ZNF106: variants seen among roughly 807,000 people sequenced by gnomAD.
ZNF106 encodes SH3-domain binding protein 3.
ZNF106 carries 67 observed loss-of-function variants against 195.1 expected under a neutral mutation model. The observed-to-expected ratio is 0.34, with a 90% CI of 0.28 to 0.42. ZNF106 has a LOEUF of 0.42. ZNF106 is among the 10% of genes least tolerant of loss of function. The pLI is 1.00. For missense variants in ZNF106, 2,118 were observed against 2,304.5 expected, an observed-to-expected ratio of 0.92 and a Z score of 1.66; for synonymous variants, 784 against 818.6, an observed-to-expected ratio of 0.96 and a Z score of 0.72.
At chr15:42,453,929 G>T (rs2056138827) in intron 4 of ZNF106, among the ~76,000 whole-genome samples, 1 of 152,172 alleles carries the variant, frequency 6.6e-6, no homozygotes, top group African/African-American at 2.4e-5. Flanking sequence ...GCAGTAGAGA[G>T]AATACATAAC....
Position 42,451,379 on chromosome 15 carries a change from T to G in ZNF106, c.893A>C (p.His298Pro), listed in dbSNP as rs2056022777. The change falls in exon 5 of 22, where the codon CAC (histidine) becomes CCC (proline). Residue 298 changes from histidine (H) to proline (P), a missense_variant. Transcript: ENST00000564754. ...TTGCCGCTGCCAATTATATCTGTCG[T>G]GACTGTATTTGTTTGACTTATTAGA... ...KKSNKSNKYS[H>P]DRYNWQRQEN... 3 of 1,614,204 alleles carry G rather than the reference T, an allele frequency of 1.9e-6. No homozygotes were observed. In the East Asian group the frequency reaches 6.7e-5, roughly 36 times the overall value.
In ZNF106 at chr15:42,451,897, T is replaced by A. The variant is rs148591205; in HGVS notation, c.375A>T (p.Gln125His). The change falls in exon 5 of 22, where the codon CAA becomes CAT. Residue 125 changes from glutamine (Q) to histidine (H), a missense_variant. Gln to His is a conservative substitution (Grantham distance 24). Coordinates refer to ENST00000564754, the MANE Select transcript of ZNF106 (RefSeq NM_001366845.3). ...QEINSDDRRP[Q>H]WRREDRIPYQ... ...AAGGAATTCGGTCTTCTCGTCTCCA[T>A]TGGGGTCGTCTGTCATCAGAGTTTA... The A allele has an allele frequency of 5.0e-6, 8 of 1,614,054 alleles. No homozygotes were observed. Among genetic ancestry groups the A allele is most frequent in the Non-Finnish European group, 6.8e-6 (8 of 1,180,028 alleles).
intron 12 of ZNF106, among the ~76,000 whole-genome samples, chr15:42,437,633 G>A (rs1003330678): frequency 3.9e-5 from 6 of 152,200 alleles, no homozygotes; most frequent in Non-Finnish European, 7.4e-5. Context: ...TGGGCCAGGC[G>A]TGGTGACTCA....
Position 42,421,978 on chromosome 15 carries a change from C to A in ZNF106, c.5384G>T (p.Arg1795Leu). ...TTTGTGTCCTCCATAAACTTGTAAT[C>A]GATCATGAGACTTAGGCAGAAAAAA... ...VRVYELQSHD[R>L]LQVYGGHKDM... Residue 1795 changes from arginine to leucine, a missense_variant, in exon 19 of 22, where the codon CGA (arginine) becomes CTA (leucine). Physicochemically the swap from Arg to Leu is moderately radical, Grantham distance 102 (BLOSUM62 -2). Transcript: ENST00000564754. The A allele has an allele frequency of 1.3e-6, 2 of 1,573,442 alleles. No individual in the cohort carries two copies. Among genetic ancestry groups the A allele is most frequent in the Non-Finnish European group, 1.7e-6 (2 of 1,157,868 alleles).
intron 1 of ZNF106, among the ~76,000 whole-genome samples, chr15:42,472,937 C>T (rs1461564023): frequency 6.7e-6 from 1 of 148,686 alleles, no homozygotes; most frequent in Non-Finnish European, 1.5e-5. Flanking sequence ...AACCCAAGAG[C>T]GGAGGTTGCA....
chr15:42,446,543 A>C (rs766409453), intron 7 of ZNF106, 46 bp downstream of exon 7: 6 of 1,529,786 alleles, frequency 3.9e-6, no homozygotes, highest in South Asian at 2.4e-5. Flanking sequence ...CCCAAAAAAA[A>C]CCAAAAAACA....
chr15:42,430,662 G>A (rs1388470565), intron 14 of ZNF106, among the ~76,000 whole-genome samples: 1 of 151,954 alleles, frequency 6.6e-6, no homozygotes, highest in African/African-American at 2.4e-5. Flanking sequence ...TAAGATTATA[G>A]GCATGAACCA....
chr15:42,457,452 A>G (rs2141379160), intron 3 of ZNF106: 1 of 1,275,616 alleles, frequency 7.8e-7, no homozygotes, highest in South Asian at 1.8e-5. Flanking sequence ...CAGAGGAAAC[A>G]TGGTGAAAGG....
intron 4 of ZNF106, among the ~76,000 whole-genome samples, chr15:42,453,994 A>G (rs377672679): frequency 2.6e-5 from 4 of 152,238 alleles, no homozygotes; most frequent in South Asian, 2.1e-4. Flanking sequence ...ATCCTTGGCA[A>G]TCTGACTCCA....
chr15:42,430,123 T>C (rs2054999108), intron 14 of ZNF106, among the ~76,000 whole-genome samples: 1 of 152,108 alleles, frequency 6.6e-6, no homozygotes, highest in African/African-American at 2.4e-5. Context: ...TATGAAGTTA[T>C]GTCTCAATGT....
Position 42,450,454 on chromosome 15 carries a change from C to T in ZNF106, c.1818G>A (p.Val606=), listed in dbSNP as rs766384317. The change falls in exon 5 of 22, where the codon GTG becomes GTA. Residue 606 remains valine (V), a synonymous_variant. Transcript: ENST00000564754. The part of the protein sequence containing the change: ...EKGSLKIEFQ[V]HALEDESDGE... ...CATCACTTTCATCTTCTAGTGCGTG[C>T]ACTTGAAACTCAATTTTCAAAGACC... 1.9e-6 allele frequency: 3 copies of T among 1,614,162 alleles called. No homozygotes were observed. In the South Asian group the frequency reaches 3.3e-5, roughly 18 times the overall value.
chr15:42,425,064 G>A (rs1474757847), intron 15 of ZNF106, 39 bp from the exon 16 acceptor site: 1 of 1,601,480 alleles, frequency 6.2e-7, no homozygotes, highest in Non-Finnish European at 8.5e-7. Context: ...AACCAACTTA[G>A]CTGGAAAATT....
chr15:42,466,225 T>C, intron 2 of ZNF106, 111 bp from the exon 3 acceptor site: 1 of 688,806 alleles, frequency 1.5e-6, no homozygotes, highest in Non-Finnish European at 2.2e-6. Context: ...TATGTCAAAA[T>C]GTGTTTTTGG....
intron 7 of ZNF106, 27 bp from the exon 8 acceptor site, chr15:42,445,008 G>T (rs1420407839): frequency 1.9e-6 from 3 of 1,612,476 alleles, no homozygotes; most frequent in Non-Finnish European, 2.5e-6. Flanking sequence ...TAAGGTTCAG[G>T]TTAATACGAG....
intron 3 of ZNF106, 157 bp from the exon 4 acceptor site, chr15:42,457,315 AGTTT>A: frequency 6.7e-7 from 1 of 1,498,460 alleles, no homozygotes; most frequent in Non-Finnish European, 8.9e-7. Flanking sequence ...ACTTTTAATA[AGTTT>A]GTTTATAAGT....
chr15:42,423,913 TA>T, intron 17 of ZNF106, 84 bp downstream of exon 17: 1 of 1,320,594 alleles, frequency 7.6e-7, no homozygotes, highest in Non-Finnish European at 1.0e-6. Context: ...GGGCTTAATT[TA>T]AATTGCAAGA....
rs1171220144 is a variant in ZNF106 at position 42,412,935 on chromosome 15, A to C, written c.*4369T>G. 1.3e-5 allele frequency: 2 copies of C among 152,222 alleles called. No homozygotes were observed. The highest frequency in any genetic ancestry group is 3.8e-4 in the East Asian group (2 of 5,204). 9.4% of individuals were successfully genotyped at this position (152,222 alleles called of 1,614,324 possible). ...ATGTAAGAAGGCTATTTGCTTATAA[A>C]CATTTTTGCAGTCAGGTGTCATCTG... On this transcript the variant is annotated 3_prime_UTR_variant, in exon 22 of 22. Transcript: ENST00000564754.
intron 14 of ZNF106, among the ~76,000 whole-genome samples, chr15:42,433,608 G>A (rs1177389169): frequency 6.7e-6 from 1 of 150,056 alleles, no homozygotes; most frequent in African/African-American, 2.5e-5. Context: ...TCAGCCTCCC[G>A]AGTAGCTGGG....
chr15:42,437,557 A>T (rs554984848), intron 12 of ZNF106, among the ~76,000 whole-genome samples, 180 bp from the exon 13 acceptor site: 1 of 152,324 alleles, frequency 6.6e-6, no homozygotes, highest in East Asian at 1.9e-4. Context: ...TGAAGACTGC[A>T]TGATAAGCAA....
Sources: allele counts gnomAD v4.1 joint callset (sites outside exome capture counted in the v4.1 genomes callset), GRCh38; gene constraint gnomAD v4.1.1; transcripts MANE v1.5; gene names NCBI Gene and HGNC (gene_info 2026-07-23, HGNC 2026-07-21).